The following ITGA6 variants were observed in gnomAD, a reference collection of about 807,000 sequenced individuals.
ITGA6 encodes the protein integrin alpha-6.
ITGA6 carries 63 observed loss-of-function variants against 133.6 expected under a neutral mutation model. The ratio of observed to expected loss-of-function variants is 0.47; its 90% confidence interval spans 0.38 to 0.58. The LOEUF (loss-of-function observed/expected upper bound fraction) is 0.58, where lower values mean the gene tolerates loss of function less well. Ranked by LOEUF, ITGA6 falls within the 20% of genes least tolerant of loss-of-function variation. The pLI, the probability that ITGA6 is intolerant of heterozygous loss-of-function variation, is 0.00. For synonymous variants in ITGA6, 434 were observed against 482.0 expected (o/e 0.90, Z 1.30); for missense variants, 1,068 against 1,309.4 (o/e 0.82, Z 2.85).
upstream of ITGA6, chr2:172,427,464 C>A: frequency 1.9e-6 from 2 of 1,059,318 alleles, no homozygotes; most frequent in Non-Finnish European, 2.3e-6. Context: ...GACGCCAGAG[C>A]CGGCGGGTAA....
At chr2:172,450,758 C>T (rs1007220203) in intron 1 of ITGA6, among the ~76,000 whole-genome samples, 1 of 149,806 alleles carries the variant, frequency 6.7e-6, no homozygotes. Context: ...AGTTTGAGAC[C>T]AGCCTGGCCA....
At chr2:172,457,790 G>A (rs1427709921) in intron 1 of ITGA6, among the ~76,000 whole-genome samples, 2 of 152,152 alleles carry the variant, frequency 1.3e-5, no homozygotes, top group African/African-American at 4.8e-5. Context: ...AAAATCTGAT[G>A]CAAGAAATGA....
chr2:172,451,304 A>C (rs1460715804), intron 1 of ITGA6, among the ~76,000 whole-genome samples: 1 of 151,398 alleles, frequency 6.6e-6, no homozygotes, highest in Non-Finnish European at 1.5e-5. Flanking sequence ...GTCTCTACTA[A>C]AAATACAAAA....
chr2:172,451,154 C>G, intron 1 of ITGA6, among the ~76,000 whole-genome samples: 1 of 139,726 alleles, frequency 7.2e-6, no homozygotes, highest in Non-Finnish European at 1.6e-5. Context: ...GACTCTGTCT[C>G]AAAAGAAAAA....
At chr2:172,445,476 C>T (rs1376391413) in intron 1 of ITGA6, among the ~76,000 whole-genome samples, 3 of 150,284 alleles carry the variant, frequency 2.0e-5, no homozygotes, top group Admixed American at 6.6e-5. Flanking sequence ...GGTGAAACCC[C>T]GTCTCTACAA....
At chr2:172,437,242 C>G (rs1684358140) in intron 1 of ITGA6, among the ~76,000 whole-genome samples, 1 of 152,292 alleles carries the variant, frequency 6.6e-6, no homozygotes, top group South Asian at 2.1e-4. Context: ...ATTTCTCTGG[C>G]CTGCAGCCTT....
intron 1 of ITGA6, among the ~76,000 whole-genome samples, chr2:172,459,873 G>C (rs567664798): frequency 1.3e-5 from 2 of 152,316 alleles, no homozygotes; most frequent in South Asian, 4.1e-4. Context: ...AAGGTCCAGG[G>C]GCTCTGAGAA....
intron 1 of ITGA6, among the ~76,000 whole-genome samples, chr2:172,462,584 C>T (rs945326810): frequency 1.3e-5 from 2 of 152,334 alleles, no homozygotes; most frequent in African/African-American, 2.4e-5. Context: ...AATTTTGTCA[C>T]CACAGCCCCT....
At chr2:172,445,105 A>G (rs927193177) in intron 1 of ITGA6, among the ~76,000 whole-genome samples, 4 of 151,428 alleles carry the variant, frequency 2.6e-5, no homozygotes, top group African/African-American at 9.7e-5. Context: ...AGCTGGGACT[A>G]CAGGCGCCCA....
chr2:172,453,680 T>C (rs894508693), intron 1 of ITGA6, among the ~76,000 whole-genome samples: 1 of 152,248 alleles, frequency 6.6e-6, no homozygotes, highest in Non-Finnish European at 1.5e-5. Flanking sequence ...GGCAGGGGCA[T>C]TGACAGGGAT....
intron 1 of ITGA6, among the ~76,000 whole-genome samples, chr2:172,445,469 G>GA: frequency 6.7e-6 from 1 of 150,202 alleles, no homozygotes; most frequent in South Asian, 2.1e-4. Context: ...CTAACACGGT[G>GA]AAACCCCGTC....
chr2:172,433,632 A>G (rs1269525462), intron 1 of ITGA6, among the ~76,000 whole-genome samples: 1 of 152,218 alleles, frequency 6.6e-6, no homozygotes, highest in African/African-American at 2.4e-5. Context: ...CGGCATGTCT[A>G]GCAAACTTGG....
intron 20 of ITGA6, chr2:172,489,929 T>C: frequency 2.5e-6 from 1 of 405,030 alleles, no homozygotes; most frequent in Non-Finnish European, 4.6e-6. Flanking sequence ...ACCCAGTATG[T>C]TACATAATAA....
chr2:172,472,873 T>C, intron 5 of ITGA6: 1 of 1,602,802 alleles, frequency 6.2e-7, no homozygotes, highest in Non-Finnish European at 8.5e-7. Context: ...CCTGATGTGA[T>C]GATGAATAGC....
At chr2:172,490,983 A>T in intron 20 of ITGA6, 41 bp from the exon 21 acceptor site, 1 of 994,840 alleles carries the variant, frequency 1.0e-6, no homozygotes. Context: ...ATGACAAAGA[A>T]TTACATAAAT....
At chr2:172,453,964 T>C (rs1285470258) in intron 1 of ITGA6, among the ~76,000 whole-genome samples, 3 of 152,086 alleles carry the variant, frequency 2.0e-5, no homozygotes, top group Non-Finnish European at 4.4e-5. Context: ...AGTGAGCAAA[T>C]GGTCTCACAC....
chr2:172,468,735 A>T (rs17727732), intron 3 of ITGA6, among the ~76,000 whole-genome samples: 22,082 of 152,212 alleles, frequency 0.15, 1,721 homozygotes, highest in Non-Finnish European at 0.17. Flanking sequence ...GAACATAATT[A>T]CCCACTTTCA....
At chr2:172,490,021 A>G (rs1397118361) in intron 20 of ITGA6, 1 of 211,674 alleles carries the variant, frequency 4.7e-6, no homozygotes, top group Non-Finnish European at 9.5e-6. Context: ...GTAGAACCAA[A>G]CTCATTGGAA....
rs370175374 is a variant in ITGA6 at position 172,491,271 on chromosome 2, G to A, written c.2829G>A (p.Gly943=). 4.0e-5 allele frequency: 65 copies of A among 1,613,202 alleles called. No individual in the cohort carries two copies. The highest frequency in any genetic ancestry group is 4.9e-5 in the Non-Finnish European group (58 of 1,179,266). Reference sequence around the variant, plus strand: ...TGAACATCAGATGCCCGCTGCGGGGGCTGGACAGCAAGGCGTCTCTTATTT... The same window carrying A: ...TGAACATCAGATGCCCGCTGCGGGGACTGGACAGCAAGGCGTCTCTTATTT... ...NCVNIRCPLR[G]LDSKASLILR... Residue 943 remains glycine (G), a synonymous_variant, in exon 22 of 26, where the codon GGG becomes GGA. Coordinates refer to ENST00000684293, the MANE Select transcript of ITGA6 (RefSeq NM_000210.4). The surrounding 1 kb of genome is among the most constrained non-coding windows in gnomAD (Gnocchi z 4.4).
Sources: allele counts gnomAD v4.1 joint callset (sites outside exome capture counted in the v4.1 genomes callset), GRCh38; gene constraint gnomAD v4.1.1; non-coding constraint Gnocchi (gnomAD v3.1); transcripts MANE v1.5; gene names NCBI Gene and HGNC (gene_info 2026-07-23, HGNC 2026-07-21).